The following DEPTOR variants were observed in gnomAD, a reference collection of about 807,000 sequenced individuals.
The protein encoded by DEPTOR is DEP domain-containing mTOR-interacting protein.
In DEPTOR, 41 loss-of-function variants were observed where a neutral mutation model predicts 41.6. The observed-to-expected ratio is 0.98, with a 90% confidence interval of 0.77 to 1.28. The LOEUF is 1.28. Ranked by LOEUF, DEPTOR falls within the 50% of genes most tolerant of loss-of-function variation. The pLI is 0.00. For synonymous variants in DEPTOR, 195 were observed against 192.3 expected (o/e 1.01, Z -0.12); for missense variants, 514 against 527.9 (o/e 0.97, Z 0.26).
At chr8:119,944,675 A>G (rs1471813900) in intron 3 of DEPTOR, among the ~76,000 whole-genome samples, 1 of 113,512 alleles carries the variant, frequency 8.8e-6, no homozygotes, top group African/African-American at 3.2e-5. Flanking sequence ...TTTTTTTTTG[A>G]GACAGAGTCT....
In DEPTOR at chr8:119,988,958, C is replaced by CTTTTTTTTTTT. The variant is rs71571643; in HGVS notation, c.605-12555_605-12545dup. On this transcript the variant is annotated intron_variant, in intron 4 of 8. Coordinates refer to ENST00000286234, the MANE Select transcript of DEPTOR (RefSeq NM_022783.4). Reference sequence around the variant, plus strand: ...GCTATAGCCATATCCTTTTTTTTTTCTTTTTTTTTTTTTTTTTTTTTTAAT... The same window carrying CTTTTTTTTTTT: ...GCTATAGCCATATCCTTTTTTTTTTCTTTTTTTTTTTTTTTTTTTTTTTTTTTTTTTTTAAT... Among the ~76,000 whole-genome samples, 214 of 93,764 alleles carry CTTTTTTTTTTT rather than the reference C, an allele frequency of 2.3e-3. 1 individual carries two copies. Among genetic ancestry groups the CTTTTTTTTTTT allele is most frequent in the East Asian group, 3.2e-3 (9 of 2,796 alleles). 61.5% of individuals were successfully genotyped at this position (93,764 alleles called of 152,430 possible). A position where few individuals can be genotyped will look rare whatever the true frequency, so the allele number is the denominator to read the frequency against.
intron 3 of DEPTOR, among the ~76,000 whole-genome samples, chr8:119,954,880 A>T (rs1343785417): frequency 6.8e-6 from 1 of 146,388 alleles, no homozygotes; most frequent in East Asian, 2.0e-4. Context: ...GTGTGTTTTG[A>T]GACAGTCTTG....
chr8:120,040,189 T>C (rs1255675165), intron 8 of DEPTOR, among the ~76,000 whole-genome samples: 2 of 152,176 alleles, frequency 1.3e-5, no homozygotes, highest in Non-Finnish European at 2.9e-5. Context: ...AGCCTTCTTC[T>C]TGCATGAGGC....
intron 1 of DEPTOR, among the ~76,000 whole-genome samples, chr8:119,883,431 C>T (rs955298658): frequency 8.9e-5 from 13 of 145,254 alleles, no homozygotes; most frequent in Non-Finnish European, 1.8e-4. Flanking sequence ...GCCGAGATCG[C>T]GCCACTGCAC....
Position 120,009,101 on chromosome 8 carries a change from C to A in DEPTOR, c.1069C>A (p.Pro357Thr). The A allele has an allele frequency of 6.2e-7, 1 of 1,614,002 alleles. No individual in the cohort carries two copies. Among genetic ancestry groups the A allele is most frequent in the Non-Finnish European group, 8.5e-7 (1 of 1,179,976 alleles). ...GCCATGCCACATCCAGGCTGTAGAC[C>A]CCAGTGGCCCTGCAGCCGCAGCAGG... ...SKPCHIQAVD[P>T]SGPAAAAGMK... is the part of the protein sequence containing the mutation. The change falls in exon 8 of 9, where the codon CCC becomes ACC. Residue 357 changes from proline (P) to threonine (T), a missense_variant. By Grantham distance (38) the Pro-to-Thr change is conservative. Transcript: ENST00000286234.
At chr8:119,921,135 C>A (rs1014062767) in intron 1 of DEPTOR, among the ~76,000 whole-genome samples, 9 of 152,144 alleles carry the variant, frequency 5.9e-5, no homozygotes, top group African/African-American at 2.2e-4. Flanking sequence ...TGCCACCACA[C>A]CCAGCTAATT....
chr8:119,935,140 AGGG>A (rs1828092397), intron 3 of DEPTOR, among the ~76,000 whole-genome samples: 1 of 152,204 alleles, frequency 6.6e-6, no homozygotes, highest in East Asian at 1.9e-4. Flanking sequence ...AAATGGACTG[AGGG>A]TGCAAAGAAT....
At position 119,998,379 on chromosome 8, in the gene DEPTOR, C is replaced by G. The variant is rs1586651264; in HGVS notation, c.605-3146C>G. Reference sequence around the variant, plus strand: ...GGAATTACAGGCATGAGCCACCGCACCTGGCCTCATTGTGGGGTTTTAATG... The same window carrying G: ...GGAATTACAGGCATGAGCCACCGCAGCTGGCCTCATTGTGGGGTTTTAATG... On this transcript the variant is annotated intron_variant, in intron 4 of 8. Coordinates refer to ENST00000286234, the MANE Select transcript of DEPTOR (RefSeq NM_022783.4). Among the ~76,000 whole-genome samples the G allele has an allele frequency of 4.6e-5, 7 of 152,340 alleles. No homozygotes were observed. In the South Asian group the frequency reaches 1.4e-3, roughly 32 times the overall value.
intron 3 of DEPTOR, among the ~76,000 whole-genome samples, chr8:119,941,512 A>T (rs941428702): frequency 1.3e-5 from 2 of 152,080 alleles, no homozygotes; most frequent in African/African-American, 4.8e-5. Flanking sequence ...GGCTTATCTT[A>T]TCAGTGTACT....
chr8:119,948,015 C>T (rs942898507), intron 3 of DEPTOR, among the ~76,000 whole-genome samples: 5 of 152,120 alleles, frequency 3.3e-5, no homozygotes, highest in Non-Finnish European at 7.4e-5. Context: ...CTCACCATCT[C>T]GAAGGACCAA....
intron 8 of DEPTOR, among the ~76,000 whole-genome samples, chr8:120,045,805 C>A (rs1195821903): frequency 6.6e-6 from 1 of 152,210 alleles, no homozygotes; most frequent in African/African-American, 2.4e-5. Context: ...CCATAACCCA[C>A]CACAGCCCCC....
intron 8 of DEPTOR, among the ~76,000 whole-genome samples, chr8:120,045,460 G>A (rs1519807): frequency 8.6e-5 from 13 of 151,718 alleles, no homozygotes; most frequent in East Asian, 3.9e-4. Context: ...AGCTTCAACC[G>A]CCTGGGTTGA....
At chr8:119,936,842 G>C (rs1264979263) in intron 3 of DEPTOR, among the ~76,000 whole-genome samples, 4 of 151,774 alleles carry the variant, frequency 2.6e-5, no homozygotes, top group Admixed American at 2.6e-4. Flanking sequence ...TGGCCAACCT[G>C]GTGAAACCCC....
chr8:119,877,791 G>A (rs1293504245), intron 1 of DEPTOR, among the ~76,000 whole-genome samples: 1 of 152,192 alleles, frequency 6.6e-6, no homozygotes, highest in Non-Finnish European at 1.5e-5. Flanking sequence ...AAGATTTGTG[G>A]TAGTGGATCA....
At chr8:119,981,421 C>G (rs1828765561) in intron 4 of DEPTOR, among the ~76,000 whole-genome samples, 2 of 152,086 alleles carry the variant, frequency 1.3e-5, no homozygotes, top group South Asian at 4.1e-4. Flanking sequence ...CTTTGGGAGG[C>G]CGAGGCAGGC....
intron 1 of DEPTOR, among the ~76,000 whole-genome samples, chr8:119,912,965 T>C (rs151191205): frequency 6.6e-6 from 1 of 152,060 alleles, no homozygotes. Flanking sequence ...CTGTTGCCCC[T>C]GCTGGAGTGC....
intron 3 of DEPTOR, among the ~76,000 whole-genome samples, chr8:119,938,768 C>A (rs1563970871): frequency 6.6e-6 from 1 of 152,066 alleles, no homozygotes; most frequent in Non-Finnish European, 1.5e-5. Flanking sequence ...CCTCGGCCTC[C>A]CAAATTGTTG....
At chr8:119,895,800 G>T (rs1827513216) in intron 1 of DEPTOR, among the ~76,000 whole-genome samples, 1 of 152,098 alleles carries the variant, frequency 6.6e-6, no homozygotes, top group Non-Finnish European at 1.5e-5. Context: ...ATATCCAGGG[G>T]TTCCTGCTTA....
intron 3 of DEPTOR, among the ~76,000 whole-genome samples, chr8:119,931,630 G>C (rs1181536803): frequency 1.3e-5 from 2 of 152,112 alleles, no homozygotes; most frequent in Non-Finnish European, 2.9e-5. Flanking sequence ...ATCACCATTT[G>C]ATGTCCTAAT....
Sources: gnomAD v4.1 joint callset for allele counts (sites outside exome capture counted in the v4.1 genomes callset) on GRCh38, gnomAD v4.1.1 for gene constraint, MANE v1.5 for transcripts, NCBI Gene and HGNC (gene_info 2026-07-23, HGNC 2026-07-21) for gene names.